Variants in RAB33A observed in about 807,000 individuals in gnomAD.
RAB33A encodes the protein ras-related protein Rab-33A.
Under a neutral mutation model 12.0 loss-of-function variants are expected in RAB33A, and 6 were observed. That is an observed-to-expected ratio of 0.50 (90% CI 0.27 to 0.99). The LOEUF is 0.99. Among genes scored for constraint, RAB33A ranks in the 50% least tolerant of loss-of-function variants. The pLI, the probability that RAB33A is intolerant of heterozygous loss-of-function variation, is 0.11. For missense variants in RAB33A, 109 were observed against 192.0 expected (o/e 0.57, Z 2.55); for synonymous variants, 70 against 82.4 (o/e 0.85, Z 0.81).
chrX:130,154,141 G>T, the RAB33A span, among the ~76,000 whole-genome samples: 1 of 112,053 alleles, frequency 8.9e-6, no homozygotes, highest in Non-Finnish European at 1.9e-5. Flanking sequence ...TTTATAATAC[G>T]GTAGCTTTAT....
intron 1 of RAB33A, among the ~76,000 whole-genome samples, chrX:130,173,401 C>T (rs2031633263): frequency 9.0e-6 from 1 of 111,705 alleles, no homozygotes; most frequent in Non-Finnish European, 1.9e-5. Flanking sequence ...CAGTAAGCCT[C>T]CTTCTTGCTG....
At chrX:130,149,445 AGCAAGAC>A in the RAB33A span, 1 of 1,157,501 alleles carries the variant, frequency 8.6e-7, no homozygotes, top group Non-Finnish European at 1.2e-6. Context: ...CTCAAATCAT[AGCAAGAC>A]TTAAGGGAAT....
chrX:130,142,008 C>T, the RAB33A span, among the ~76,000 whole-genome samples: 1 of 111,889 alleles, frequency 8.9e-6, no homozygotes. Context: ...AGAGCTTGAG[C>T]TTTGGAGTCA....
At position 130,184,353 on chromosome X, in the gene RAB33A, C is replaced by T; in HGVS notation, c.327C>T (p.Asn109=). The T allele has an allele frequency of 3.3e-6, 4 of 1,211,854 alleles. No homozygotes were observed. Residue 109 remains asparagine, a synonymous_variant, in exon 2 of 2, where the codon AAC becomes AAT. Transcript: ENST00000257017. Reference sequence around the variant, plus strand: ...GCATGGTCGAGCATTACTACCGCAACGTACATGCCGTGGTCTTCGTCTATG... The same window carrying T: ...GCATGGTCGAGCATTACTACCGCAATGTACATGCCGTGGTCTTCGTCTATG... ...RKSMVEHYYR[N]VHAVVFVYDV...
chrX:130,162,382 T>G, the RAB33A span, among the ~76,000 whole-genome samples: 1 of 111,924 alleles, frequency 8.9e-6, no homozygotes, highest in Non-Finnish European at 1.9e-5. Context: ...AAAATACAGA[T>G]TCCCAGAATT....
upstream of RAB33A, chrX:130,171,641 T>G: frequency 6.9e-6 from 1 of 144,614 alleles, no homozygotes; most frequent in Non-Finnish European, 1.4e-5. Context: ...TCCTGAGGCT[T>G]CTTCCCTCGG....
the RAB33A span, among the ~76,000 whole-genome samples, chrX:130,151,146 T>TC: frequency 1.8e-5 from 2 of 108,223 alleles, no homozygotes; most frequent in East Asian, 5.7e-4. Context: ...CATATTCTTT[T>TC]CTTTTTTTTT....
chrX:130,130,298 C>CTAGAAG, the RAB33A span: 1 of 734,743 alleles, frequency 1.4e-6, no homozygotes, highest in Non-Finnish European at 2.0e-6. Context: ...ATTTATTTCT[C>CTAGAAG]TATGCCCCCT....
the RAB33A span, among the ~76,000 whole-genome samples, chrX:130,158,392 A>T: frequency 8.9e-6 from 1 of 112,411 alleles, no homozygotes; most frequent in Non-Finnish European, 1.9e-5. Context: ...CCCGATCTAG[A>T]GCAGTGGTTT....
chrX:130,161,887 G>A, the RAB33A span, among the ~76,000 whole-genome samples: 4 of 111,822 alleles, frequency 3.6e-5, no homozygotes, highest in Non-Finnish European at 7.5e-5. Flanking sequence ...GATTACAGGC[G>A]TGAGCCACCA....
chrX:130,156,403 G>A, the RAB33A span: 13 of 1,192,202 alleles, frequency 1.1e-5, no homozygotes, highest in East Asian at 5.9e-5. Context: ...GAATACTATC[G>A]AGTCTATTAA....
the RAB33A span, chrX:130,147,359 G>A: frequency 2.5e-6 from 2 of 789,880 alleles, no homozygotes; most frequent in East Asian, 6.4e-5. Context: ...GCTGTACCAA[G>A]TGTGGACCAC....
chrX:130,184,380 C>T lies in RAB33A; in HGVS notation c.354C>T (p.Asp118=), dbSNP rs892513764. 1.5e-5 allele frequency: 18 copies of T among 1,210,186 alleles called. No individual in the cohort carries two copies. The highest frequency in any genetic ancestry group is 8.7e-5 in the African/African-American group (5 of 57,294). ...RNVHAVVFVY[D]VTKMTSFTNL... ...TACATGCCGTGGTCTTCGTCTATGA[C>T]GTCACCAAGATGACATCTTTCACCA... The change falls in exon 2 of 2, where the codon GAC becomes GAT. Residue 118 remains aspartate (D), a synonymous_variant. Transcript: ENST00000257017.
the RAB33A span, among the ~76,000 whole-genome samples, chrX:130,163,980 C>T: frequency 1.3e-4 from 12 of 92,823 alleles, no homozygotes; most frequent in African/African-American, 4.9e-4. Context: ...ATGGTGAAAC[C>T]TTGTCTCTAC....
At chrX:130,174,277 T>G (rs960045741) in intron 1 of RAB33A, among the ~76,000 whole-genome samples, 2 of 111,838 alleles carry the variant, frequency 1.8e-5, no homozygotes, top group African/African-American at 6.5e-5. Context: ...CAGGCTTTTT[T>G]GGGGAAGATG....
the RAB33A span, chrX:130,156,684 T>C: frequency 9.7e-7 from 1 of 1,035,940 alleles, no homozygotes; most frequent in Admixed American, 2.2e-5. Flanking sequence ...GTCAATGCAC[T>C]GTACAAGACT....
the RAB33A span, among the ~76,000 whole-genome samples, chrX:130,130,983 A>G: frequency 8.9e-6 from 1 of 112,776 alleles, no homozygotes; most frequent in East Asian, 2.7e-4. Flanking sequence ...ACATATCCAT[A>G]TAATGTCTTG....
At chrX:130,163,041 G>A in the RAB33A span, among the ~76,000 whole-genome samples, 1 of 111,603 alleles carries the variant, frequency 9.0e-6, no homozygotes, top group Admixed American at 9.6e-5. Context: ...CGAGATAGTT[G>A]CAAGGCAGGT....
chrX:130,180,478 G>A (rs192760496), intron 1 of RAB33A, among the ~76,000 whole-genome samples: 67 of 110,680 alleles, frequency 6.1e-4, no homozygotes, highest in Admixed American at 5.6e-3. Flanking sequence ...ATTTTGAGAT[G>A]GAGTTTAGCT....
Sources: gnomAD v4.1 joint callset for allele counts (sites outside exome capture counted in the v4.1 genomes callset) on GRCh38, gnomAD v4.1.1 for gene constraint, MANE v1.5 for transcripts, NCBI Gene and HGNC (gene_info 2026-07-23, HGNC 2026-07-21) for gene names.